The following CASZ1 variants were observed in gnomAD, a reference collection of about 807,000 sequenced individuals.
CASZ1 encodes the protein castor zinc finger 1.
Under a neutral mutation model 135.2 loss-of-function variants are expected in CASZ1, and 28 were observed. The observed-to-expected ratio is 0.21, with a 90% confidence interval of 0.15 to 0.28. The LOEUF (loss-of-function observed/expected upper bound fraction) is 0.28, where lower values mean the gene tolerates loss of function less well. Among genes scored for constraint, CASZ1 ranks in the 10% least tolerant of loss-of-function variants. The probability of loss-of-function intolerance (pLI) is 1.00; values close to 1 mark genes in which losing one functional copy is unlikely to be tolerated. For missense variants in CASZ1, 2,161 were observed against 2,453.3 expected, an observed-to-expected ratio of 0.88 and a Z score of 2.52; for synonymous variants, 1,068 against 1,073.4, an observed-to-expected ratio of 0.99 and a Z score of 0.10.
At chr1:10,683,294 T>C (rs985254861) in intron 4 of CASZ1, among the ~76,000 whole-genome samples, 1 of 152,142 alleles carries the variant, frequency 6.6e-6, no homozygotes, top group Middle Eastern at 3.4e-3. Context: ...TGGTCTACAC[T>C]GGGAAAGAAG....
chr1:10,749,174 C>T (rs1050128237), intron 2 of CASZ1, among the ~76,000 whole-genome samples: 3 of 152,150 alleles, frequency 2.0e-5, no homozygotes, highest in African/African-American at 4.8e-5. Flanking sequence ...ATGGTCTCCA[C>T]GACATGCCCT....
chr1:10,783,026 G>T (rs913081951), intron 1 of CASZ1, among the ~76,000 whole-genome samples: 1 of 152,098 alleles, frequency 6.6e-6, no homozygotes. Context: ...GCCTTTTCAC[G>T]GGGAAAGGAG....
In CASZ1 at chr1:10,657,808, G is replaced by A. The variant is rs12759854; in HGVS notation, c.1409+700C>T. Among the ~76,000 whole-genome samples the A allele has an allele frequency of 1.4e-5, 2 of 139,950 alleles. No homozygotes were observed. The highest frequency in any genetic ancestry group is 2.3e-4 in the South Asian group (1 of 4,256). 91.8% of individuals were successfully genotyped at this position (139,950 alleles called of 152,430 possible). A position where few individuals can be genotyped will look rare whatever the true frequency, so the allele number is the denominator to read the frequency against. On this transcript the variant is annotated intron_variant, in intron 7 of 20. Transcript: ENST00000377022. This position sits in a 1 kb window ranked among gnomAD's most constrained non-coding sequence, Gnocchi z 5.7. The stretch of plus-strand genomic sequence containing the variant: ...GGGCAGGCGGTGGGGGGGTGGGGGC[G>A]GGGGGTGTTATTTGTGTGATTTGGG...
intron 1 of CASZ1, among the ~76,000 whole-genome samples, chr1:10,778,999 C>T (rs2100607891): frequency 6.6e-6 from 1 of 152,280 alleles, no homozygotes; most frequent in East Asian, 1.9e-4. Context: ...AGGCCAAGAC[C>T]ACTGCAAGAA....
In CASZ1 at chr1:10,707,651, C is replaced by T. The variant is rs893479191; in HGVS notation, c.-76-2107G>A. On this transcript the variant is annotated intron_variant, in intron 2 of 20. Coordinates refer to ENST00000377022, the MANE Select transcript of CASZ1 (RefSeq NM_001079843.3). The surrounding 1 kb of genome is among the most constrained non-coding windows in gnomAD (Gnocchi z 5.0). ...GGCTGATGGGAGCAGGGAAGCTGTC[C>T]CTGGGTGGGATCTGGGACCCTGGGA... 4.6e-5 allele frequency among the ~76,000 whole-genome samples: 7 copies of T among 152,072 alleles called. No homozygotes were observed. Among genetic ancestry groups the T allele is most frequent in the African/African-American group, 1.7e-4 (7 of 41,402 alleles).
chr1:10,774,367 C>T lies in CASZ1; in HGVS notation c.-233-13510G>A, dbSNP rs1640626453. ...CTGTCAAATCTGCCCTGGCCTTGGC[C>T]AGGGCCAAGTTCAGGGCCTCCCTCT... On this transcript the variant is annotated intron_variant, in intron 1 of 20. Transcript: ENST00000377022. The surrounding 1 kb of genome is among the most constrained non-coding windows in gnomAD (Gnocchi z 4.4). Among the ~76,000 whole-genome samples, 1 of 152,104 alleles carries T rather than the reference C, an allele frequency of 6.6e-6. No homozygotes were observed. Among genetic ancestry groups the T allele is most frequent in the Admixed American group, 6.5e-5 (1 of 15,274 alleles).
intron 2 of CASZ1, among the ~76,000 whole-genome samples, chr1:10,737,393 C>T (rs917001460): frequency 6.6e-6 from 1 of 152,200 alleles, no homozygotes. Context: ...CCCAGCCCAC[C>T]GGAGCGGTGA....
chr1:10,651,126 C>T (rs548810130), intron 11 of CASZ1, 50 bp from the exon 12 acceptor site: 74 of 1,411,540 alleles, frequency 5.2e-5, no homozygotes, highest in Non-Finnish European at 6.4e-5. Flanking sequence ...AGGCCTGGCC[C>T]GGGCACAGAC....
Position 10,784,887 on chromosome 1 carries a change from G to A in CASZ1, c.-234+11677C>T, listed in dbSNP as rs975423793. ...GGCCCCAAGAGTTATTTTGGAAATA[G>A]ACTAAAAGCATCTAAAGACAGGAGG... is the stretch of plus-strand genomic sequence containing the variant. On this transcript the variant is annotated intron_variant, in intron 1 of 20. Coordinates refer to ENST00000377022, the MANE Select transcript of CASZ1 (RefSeq NM_001079843.3). Among the ~76,000 whole-genome samples the A allele has an allele frequency of 2.6e-5, 4 of 152,088 alleles. No homozygotes were observed. The South Asian group carries it at 8.3e-4, about 32-fold the overall frequency.
Position 10,711,472 on chromosome 1 carries a change from C to G in CASZ1, c.-76-5928G>C, listed in dbSNP as rs967998041. Among the ~76,000 whole-genome samples the G allele has an allele frequency of 5.9e-5, 9 of 151,826 alleles. No homozygotes were observed. Among genetic ancestry groups the G allele is most frequent in the Admixed American group, 1.3e-4 (2 of 15,242 alleles). On this transcript the variant is annotated intron_variant, in intron 2 of 20. Coordinates refer to ENST00000377022, the MANE Select transcript of CASZ1 (RefSeq NM_001079843.3). This position sits in a 1 kb window ranked among gnomAD's most constrained non-coding sequence, Gnocchi z 4.4. ...CACAGTAGGTGGCACATAGCAAGTG[C>G]TCAATAAATATGGCCTCTTATTAGT...
chr1:10,643,064 G>C, intron 19 of CASZ1, 64 bp from the exon 20 acceptor site: 1 of 1,594,444 alleles, frequency 6.3e-7, no homozygotes, highest in East Asian at 2.2e-5. Context: ...CAGAGGGCAG[G>C]CTGAGGCTCC....
At chr1:10,796,119 C>T (rs1570601899) in intron 1 of CASZ1, among the ~76,000 whole-genome samples, 1 of 152,072 alleles carries the variant, frequency 6.6e-6, no homozygotes, top group Non-Finnish European at 1.5e-5. Context: ...ATCACCTGCC[C>T]CCCCGGGAGC....
At chr1:10,680,270 C>T (rs1388103680) in intron 4 of CASZ1, among the ~76,000 whole-genome samples, 4 of 5,738 alleles carry the variant, frequency 7.0e-4, no homozygotes, top group East Asian at 2.4e-3. Flanking sequence ...TGGCACGGGG[C>T]GGGGCGGCGG....
At position 10,763,390 on chromosome 1, in the gene CASZ1, G is replaced by A. The variant is rs532384229; in HGVS notation, c.-233-2533C>T. Among the ~76,000 whole-genome samples the A allele has an allele frequency of 5.3e-5, 8 of 152,252 alleles. No individual in the cohort carries two copies. In the South Asian group the frequency reaches 1.5e-3, roughly 28 times the overall value. On this transcript the variant is annotated intron_variant, in intron 1 of 20. Transcript: ENST00000377022. The stretch of plus-strand genomic sequence containing the variant: ...AAGCCTGCTAATCTCCCTAGGTTCC[G>A]TCCCCTCACCAGCCAGACGGAGACG...
At chr1:10,765,700 G>T (rs1194086789) in intron 1 of CASZ1, among the ~76,000 whole-genome samples, 1 of 152,162 alleles carries the variant, frequency 6.6e-6, no homozygotes, top group Non-Finnish European at 1.5e-5. Flanking sequence ...GAGAGATGGG[G>T]CAAGAACGCA....
Position 10,659,015 on chromosome 1 carries a change from C to T in CASZ1, c.1341-439G>A, listed in dbSNP as rs115934186. Among the ~76,000 whole-genome samples the T allele has an allele frequency of 2.6e-3, 392 of 152,314 alleles. 2 individuals are homozygous for T. Among genetic ancestry groups the T allele is most frequent in the African/African-American group, 8.5e-3 (352 of 41,566 alleles). ...CCAAGGCATGCAGCCCCCTGGGGTC[C>T]GGGAGCCCCCCCAGGGTTCAGGAGG... is the stretch of plus-strand genomic sequence containing the variant. On this transcript the variant is annotated intron_variant, in intron 6 of 20. Coordinates refer to ENST00000377022, the MANE Select transcript of CASZ1 (RefSeq NM_001079843.3).
At chr1:10,765,666 G>A (rs1000953391) in intron 1 of CASZ1, among the ~76,000 whole-genome samples, 1 of 152,158 alleles carries the variant, frequency 6.6e-6, no homozygotes, top group Non-Finnish European at 1.5e-5. Context: ...CTGAACCTGG[G>A]ACCCTTTAGA....
rs776847243 is a variant in CASZ1, at chr1:10,639,079, G to GGTCCTCGTCGTCGTCGTCCTCGTCGTC, written c.5116_5142dup (p.Asp1706_Asp1714dup). 9.6e-6 allele frequency: 11 copies of GGTCCTCGTCGTCGTCGTCCTCGTCGTC among 1,144,728 alleles called. No homozygotes were observed. Among genetic ancestry groups the GGTCCTCGTCGTCGTCGTCCTCGTCGTC allele is most frequent in the African/African-American group, 6.8e-5 (4 of 59,218 alleles). 70.9% of individuals were successfully genotyped at this position (1,144,728 alleles called of 1,614,324 possible). ...AGCGACTCCTCCGAGTCGGTGCGCA[G>GGTCCTCGTCGTCGTCGTCCTCGTCGTC]GTCCTCGTCGTCGTCGTCCTCGTCG... On this transcript the variant is annotated inframe_insertion, in exon 21 of 21. Transcript: ENST00000377022. The surrounding 1 kb of genome is among the most constrained non-coding windows in gnomAD (Gnocchi z 4.0).
chr1:10,645,147 C>G, intron 17 of CASZ1, 59 bp from the exon 18 acceptor site: 1 of 1,515,822 alleles, frequency 6.6e-7, no homozygotes, highest in Non-Finnish European at 9.1e-7. Context: ...CTCCTGCCTG[C>G]CCCGGGCCTG....
Sources: allele counts gnomAD v4.1 joint callset (sites outside exome capture counted in the v4.1 genomes callset), GRCh38; gene constraint gnomAD v4.1.1; non-coding constraint Gnocchi (gnomAD v3.1); transcripts MANE v1.5; gene names NCBI Gene and HGNC (gene_info 2026-07-23, HGNC 2026-07-21).